TLN2: variants seen among roughly 807,000 people sequenced by gnomAD.
The protein encoded by TLN2 is talin 2.
In TLN2, 118 loss-of-function variants were observed where a neutral mutation model predicts 294.7. The observed-to-expected ratio is 0.40, with a 90% CI of 0.34 to 0.47. The LOEUF (loss-of-function observed/expected upper bound fraction) is 0.47, where lower values mean the gene tolerates loss of function less well. TLN2 is among the 20% of genes least tolerant of loss of function. TLN2 has a pLI of 0.84. For missense variants in TLN2, 3,083 were observed against 3,282.2 expected (o/e 0.94, Z 1.48); for synonymous variants, 1,431 against 1,304.5 (o/e 1.10, Z -2.09).
At chr15:62,695,367 C>T (rs1047814141) in intron 14 of TLN2, among the ~76,000 whole-genome samples, 3 of 152,180 alleles carry the variant, frequency 2.0e-5, no homozygotes, top group Middle Eastern at 3.2e-3. Flanking sequence ...CCTGACCATT[C>T]TTCCTGCTTG....
intron 1 of TLN2, among the ~76,000 whole-genome samples, chr15:62,587,229 A>G (rs1462280810): frequency 1.3e-5 from 2 of 152,212 alleles, no homozygotes; most frequent in Non-Finnish European, 2.9e-5. Flanking sequence ...TGTGACAGAG[A>G]AGGAGAGTGG....
intron 3 of TLN2, among the ~76,000 whole-genome samples, chr15:62,620,187 C>T (rs2048674588): frequency 1.3e-5 from 2 of 152,004 alleles, no homozygotes; most frequent in Non-Finnish European, 2.9e-5. Flanking sequence ...TACTATATTG[C>T]CGAGGCTAAT....
At chr15:62,582,836 C>T (rs1211339643) in intron 1 of TLN2, among the ~76,000 whole-genome samples, 1 of 152,058 alleles carries the variant, frequency 6.6e-6, no homozygotes, top group African/African-American at 2.4e-5. Flanking sequence ...AAGGCTGCCA[C>T]GGTAGATCAG....
chr15:62,724,973 C>T lies in TLN2; in HGVS notation c.3127-3C>T, dbSNP rs745891077. The T allele has an allele frequency of 2.3e-4, 369 of 1,608,714 alleles. 3 individuals carry two copies. The Admixed American group carries it at 6.0e-3, about 26-fold the overall frequency. On this transcript the variant is annotated splice_polypyrimidine_tract_variant and splice_region_variant and intron_variant, in intron 26 of 58. Transcript: ENST00000636159. The stretch of plus-strand genomic sequence containing the variant: ...GTATACATATTTCCAACTCTGTTGG[C>T]AGGCCCATGAAGCTTGTGGTCCGAT...
intron 29 of TLN2, among the ~76,000 whole-genome samples, 199 bp downstream of exon 29, chr15:62,737,285 G>C (rs1438959443): frequency 1.3e-5 from 2 of 152,230 alleles, no homozygotes; most frequent in Admixed American, 1.3e-4. Flanking sequence ...CCACAGTAAT[G>C]TGTGATCTGC....
chr15:62,644,666 G>A (rs950862879), intron 3 of TLN2: 4 of 448,376 alleles, frequency 8.9e-6, no homozygotes, highest in African/African-American at 8.1e-5. Context: ...GCGTCTTGCT[G>A]TGCCCTGCAG....
intron 54 of TLN2, chr15:62,823,985 T>C: frequency 1.9e-6 from 1 of 531,310 alleles, no homozygotes; most frequent in Non-Finnish European, 3.9e-6. Context: ...ATGTTTGATA[T>C]ATTAGGTTGT....
intron 1 of TLN2, among the ~76,000 whole-genome samples, chr15:62,542,485 C>G (rs562274316): frequency 6.6e-6 from 1 of 152,132 alleles, no homozygotes; most frequent in Non-Finnish European, 1.5e-5. Flanking sequence ...GCATCGCGCC[C>G]GGCCCCATTT....
At chr15:62,703,224 T>A (rs2058826416) in intron 19 of TLN2, among the ~76,000 whole-genome samples, 1 of 151,764 alleles carries the variant, frequency 6.6e-6, no homozygotes, top group Non-Finnish European at 1.5e-5. Context: ...TGCCTTAACC[T>A]CCTGAGTAGC....
At chr15:62,404,848 C>T (rs1441642227) in intron 1 of TLN2, among the ~76,000 whole-genome samples, 2 of 152,130 alleles carry the variant, frequency 1.3e-5, no homozygotes, top group Admixed American at 1.3e-4. Context: ...GGAGCTTGCC[C>T]TGTGGGTAAA....
chr15:62,488,291 C>T (rs769687513), intron 1 of TLN2, among the ~76,000 whole-genome samples: 27 of 152,252 alleles, frequency 1.8e-4, no homozygotes, highest in African/African-American at 2.9e-4. Context: ...GAGGAAGACA[C>T]GGTCCCTGAT....
Position 62,727,182 on chromosome 15 carries a change from C to G in TLN2, c.3351C>G (p.His1117Gln). The change falls in exon 28 of 59, where the codon CAC becomes CAG. Residue 1117 changes from histidine (H) to glutamine (Q), a missense_variant. Coordinates refer to ENST00000636159, the MANE Select transcript of TLN2 (RefSeq NM_015059.3). ...CCTGTGCTGCTCAAGGCAACGAACA[C>G]TACACAGGTGAGACCCACGCCCTTC... ...LLTCAAQGNE[H>Q]YTGVAARETA... 1 of 1,614,146 alleles carries G rather than the reference C, an allele frequency of 6.2e-7. No individual in the cohort carries two copies. The highest frequency in any genetic ancestry group is 8.5e-7 in the Non-Finnish European group (1 of 1,180,006).
intron 28 of TLN2, among the ~76,000 whole-genome samples, chr15:62,736,202 C>A (rs1275739372): frequency 1.3e-5 from 2 of 151,914 alleles, no homozygotes; most frequent in Non-Finnish European, 2.9e-5. Flanking sequence ...CATCTGTAGT[C>A]CCAGATACTT....
intron 1 of TLN2, among the ~76,000 whole-genome samples, chr15:62,523,032 G>A (rs991115739): frequency 1.3e-5 from 2 of 151,342 alleles, no homozygotes; most frequent in Non-Finnish European, 2.9e-5. Flanking sequence ...CAATTCTATG[G>A]ATCCTAGGGC....
intron 10 of TLN2, among the ~76,000 whole-genome samples, chr15:62,674,622 C>T (rs1017408202): frequency 4.6e-5 from 7 of 151,264 alleles, no homozygotes; most frequent in Non-Finnish European, 1.0e-4. Context: ...GTGCCTCAGC[C>T]TACCAAGTAG....
chr15:62,753,135 T>A (rs1453997126), intron 35 of TLN2, among the ~76,000 whole-genome samples: 1 of 152,164 alleles, frequency 6.6e-6, no homozygotes, highest in African/African-American at 2.4e-5. Flanking sequence ...CACATCTAAA[T>A]GGAATTGCAA....
chr15:62,797,138 G>C, intron 47 of TLN2, 81 bp from the exon 48 acceptor site: 3 of 1,501,494 alleles, frequency 2.0e-6, no homozygotes, highest in Non-Finnish European at 2.8e-6. Context: ...AGCCCCATGT[G>C]AGGGATTTCT....
chr15:62,556,537 G>C (rs1369984718), intron 1 of TLN2, among the ~76,000 whole-genome samples: 3 of 151,928 alleles, frequency 2.0e-5, no homozygotes, highest in Non-Finnish European at 4.4e-5. Context: ...GGTCTCAAGA[G>C]ATCCTCCTGC....
At chr15:62,762,631 A>G (rs533846612) in intron 39 of TLN2, among the ~76,000 whole-genome samples, 178 bp downstream of exon 39, 1 of 152,362 alleles carries the variant, frequency 6.6e-6, no homozygotes, top group Non-Finnish European at 1.5e-5. Flanking sequence ...TACTTACCAT[A>G]TACCAAATAC....
Sources: gnomAD v4.1 joint callset for allele counts (sites outside exome capture counted in the v4.1 genomes callset) on GRCh38, gnomAD v4.1.1 for gene constraint, MANE v1.5 for transcripts, NCBI Gene and HGNC (gene_info 2026-07-23, HGNC 2026-07-21) for gene names.